The following PRKCE variants were observed in gnomAD, a reference collection of about 807,000 sequenced individuals.
The protein encoded by PRKCE is protein kinase C epsilon type.
PRKCE carries 16 observed loss-of-function variants against 85.4 expected under a neutral mutation model. The observed-to-expected ratio is 0.19, with a 90% CI of 0.13 to 0.28. The LOEUF (loss-of-function observed/expected upper bound fraction) is 0.28. Among genes scored for constraint, PRKCE ranks in the 10% least tolerant of loss-of-function variants. The pLI is 1.00. For missense variants in PRKCE, 573 were observed against 975.2 expected (o/e 0.59, Z 5.49); for synonymous variants, 388 against 371.5 (o/e 1.04, Z -0.51).
chr2:46,139,504 AATAAGAT>A lies in PRKCE; in HGVS notation c.1593-5587_1593-5581del, dbSNP rs1675300659. On this transcript the variant is annotated intron_variant, in intron 11 of 14. Coordinates refer to ENST00000306156, the MANE Select transcript of PRKCE (RefSeq NM_005400.3). This position sits in a 1 kb window ranked among gnomAD's most constrained non-coding sequence, Gnocchi z 5.2. The stretch of plus-strand genomic sequence containing the variant: ...ATAAACCCAAAACAACTGTGCTCTA[AATAAGAT>A]ACAAGTTTCTTTCTTTTTCATATGA... Among the ~76,000 whole-genome samples the A allele has an allele frequency of 6.6e-6, 1 of 152,090 alleles. No homozygotes were observed. The highest frequency in any genetic ancestry group is 2.1e-4 in the South Asian group (1 of 4,822).
chr2:46,099,301 C>T (rs1670990530), intron 11 of PRKCE, among the ~76,000 whole-genome samples: 1 of 152,112 alleles, frequency 6.6e-6, no homozygotes, highest in African/African-American at 2.4e-5. Context: ...ATCTCCTCAA[C>T]AGCTTCTCCA....
intron 10 of PRKCE, among the ~76,000 whole-genome samples, chr2:46,080,972 T>C (rs867930793): frequency 4.7e-5 from 7 of 147,586 alleles, no homozygotes; most frequent in East Asian, 4.0e-4. Flanking sequence ...CAGTTATGCA[T>C]ACACACACAC....
chr2:46,182,942 C>T (rs1680143591), intron 14 of PRKCE, among the ~76,000 whole-genome samples: 1 of 152,210 alleles, frequency 6.6e-6, no homozygotes, highest in Non-Finnish European at 1.5e-5. Flanking sequence ...AGGCATCACA[C>T]TGAAGCCCAG....
chr2:45,885,851 AT>A (rs1165736443), intron 2 of PRKCE, among the ~76,000 whole-genome samples: 1 of 152,256 alleles, frequency 6.6e-6, no homozygotes, highest in African/African-American at 2.4e-5. Context: ...GTGTAGGATA[AT>A]TTAAAAAGCA....
At chr2:45,994,252 G>A (rs1574153509) in intron 6 of PRKCE, among the ~76,000 whole-genome samples, 1 of 152,002 alleles carries the variant, frequency 6.6e-6, no homozygotes, top group East Asian at 1.9e-4. Flanking sequence ...GCAACGGAGT[G>A]GTATATTTGT....
intron 2 of PRKCE, among the ~76,000 whole-genome samples, chr2:45,934,470 A>G (rs1699284096): frequency 6.6e-6 from 1 of 151,958 alleles, no homozygotes; most frequent in Non-Finnish European, 1.5e-5. Flanking sequence ...TCAACATAGT[A>G]AAACCCCATC....
At chr2:45,896,127 G>A (rs1004635955) in intron 2 of PRKCE, among the ~76,000 whole-genome samples, 2 of 152,200 alleles carry the variant, frequency 1.3e-5, no homozygotes, top group East Asian at 3.8e-4. Flanking sequence ...CCTTGTCCGA[G>A]TCAGTTAACC....
intron 1 of PRKCE, among the ~76,000 whole-genome samples, chr2:45,731,972 T>C (rs1346774571): frequency 6.6e-6 from 1 of 152,170 alleles, no homozygotes; most frequent in Non-Finnish European, 1.5e-5. Context: ...AATGACCTCC[T>C]ACTCCACAGA....
chr2:46,024,346 C>A (rs1343269902), intron 10 of PRKCE, among the ~76,000 whole-genome samples: 1 of 149,950 alleles, frequency 6.7e-6, no homozygotes, highest in African/African-American at 2.5e-5. Flanking sequence ...GAAGTTGAAG[C>A]CTCCACTTTT....
At chr2:45,999,649 A>G (rs979731142) in intron 6 of PRKCE, among the ~76,000 whole-genome samples, 1 of 152,060 alleles carries the variant, frequency 6.6e-6, no homozygotes, top group African/African-American at 2.4e-5. Flanking sequence ...GGTGTCTGAC[A>G]TTAATTTTGG....
chr2:45,817,079 G>A (rs1314178731), intron 1 of PRKCE, among the ~76,000 whole-genome samples: 1 of 150,262 alleles, frequency 6.7e-6, no homozygotes, highest in Non-Finnish European at 1.5e-5. Context: ...GTGTGTGTGT[G>A]TGTGTGTGTG....
chr2:45,710,200 T>C (rs1679497029), intron 1 of PRKCE, among the ~76,000 whole-genome samples: 1 of 152,226 alleles, frequency 6.6e-6, no homozygotes, highest in African/African-American at 2.4e-5. Flanking sequence ...AACAACCTGA[T>C]GATGTAGGTA....
intron 10 of PRKCE, among the ~76,000 whole-genome samples, chr2:46,061,798 C>T (rs915636025): frequency 5.9e-5 from 9 of 151,474 alleles, no homozygotes; most frequent in Admixed American, 6.6e-5. Context: ...TTCAGCATCT[C>T]GCTGTCACTC....
rs558450238 is a variant in PRKCE, at chr2:46,136,273, C to T, written c.1593-8820C>T. ...ACAGGGCTCTTCTGTGGTGAATTTT[C>T]AAGTCAAGCATAAAAGAATTGTTTC... On this transcript the variant is annotated intron_variant, in intron 11 of 14. Coordinates refer to ENST00000306156, the MANE Select transcript of PRKCE (RefSeq NM_005400.3). Among the ~76,000 whole-genome samples the T allele has an allele frequency of 9.9e-4, 151 of 152,264 alleles. 1 individual carries two copies. In the Middle Eastern group the frequency reaches 0.01, roughly 10 times the overall value.
At chr2:45,989,174 G>T (rs1399468981) in intron 6 of PRKCE, among the ~76,000 whole-genome samples, 1 of 152,218 alleles carries the variant, frequency 6.6e-6, no homozygotes, top group South Asian at 2.1e-4. Context: ...CCCATCTGGG[G>T]TGAATGCTCT....
chr2:46,037,687 T>C lies in PRKCE; in HGVS notation c.1437+27170T>C, dbSNP rs1707955892. On this transcript the variant is annotated intron_variant, in intron 10 of 14. Transcript: ENST00000306156. ...CCTTTCTTCTGAGGGCAGGATGTTGTAGGGCTATTGTTCCTTCTCAGGCCA... is the reference window on the plus strand; with the variant it reads ...CCTTTCTTCTGAGGGCAGGATGTTGCAGGGCTATTGTTCCTTCTCAGGCCA... 5.3e-5 allele frequency among the ~76,000 whole-genome samples: 8 copies of C among 152,164 alleles called. No homozygotes were observed. In the South Asian group the frequency reaches 1.4e-3, roughly 28 times the overall value.
intron 1 of PRKCE, among the ~76,000 whole-genome samples, chr2:45,715,560 G>C (rs1189782807): frequency 6.6e-6 from 1 of 152,160 alleles, no homozygotes; most frequent in African/African-American, 2.4e-5. Context: ...AGAGACTCCT[G>C]CTCATCTCTC....
At chr2:45,832,774 C>T (rs890898768) in intron 1 of PRKCE, among the ~76,000 whole-genome samples, 8 of 152,138 alleles carry the variant, frequency 5.3e-5, no homozygotes, top group Admixed American at 2.6e-4. Context: ...CCGGCTTTAA[C>T]GCACACTCCT....
intron 1 of PRKCE, among the ~76,000 whole-genome samples, chr2:45,688,429 T>C (rs1677470876): frequency 6.6e-6 from 1 of 152,198 alleles, no homozygotes; most frequent in South Asian, 2.1e-4. Flanking sequence ...AAAGATACTG[T>C]GTTAGGTTTT....
Sources: allele counts gnomAD v4.1 joint callset (sites outside exome capture counted in the v4.1 genomes callset), GRCh38; gene constraint gnomAD v4.1.1; non-coding constraint Gnocchi (gnomAD v3.1); transcripts MANE v1.5; gene names NCBI Gene and HGNC (gene_info 2026-07-23, HGNC 2026-07-21).